Variants in GABPB2 observed in about 807,000 individuals in gnomAD.
The protein encoded by GABPB2 is GA-binding protein subunit beta-2.
A neutral mutation model predicts 39.1 loss-of-function variants in GABPB2; 23 were observed. That is an observed-to-expected ratio of 0.59 (90% confidence interval 0.42 to 0.83). The LOEUF (loss-of-function observed/expected upper bound fraction) is 0.83. Ranked by LOEUF, GABPB2 falls within the 40% of genes least tolerant of loss-of-function variation. GABPB2 has a pLI of 0.00. For missense variants in GABPB2, 467 were observed against 541.1 expected, an observed-to-expected ratio of 0.86 and a Z score of 1.36; for synonymous variants, 184 against 199.3, an observed-to-expected ratio of 0.92 and a Z score of 0.65.
chr1:151,097,793 A>G, intron 4 of GABPB2, 59 bp from the exon 5 acceptor site: 2 of 1,532,066 alleles, frequency 1.3e-6, no homozygotes, highest in Non-Finnish European at 8.9e-7. Context: ...AAAAAAAAGA[A>G]AGACAGAAAA....
chr1:151,080,315 C>A (rs1374309927), intron 1 of GABPB2, among the ~76,000 whole-genome samples: 1 of 150,490 alleles, frequency 6.6e-6, no homozygotes, highest in East Asian at 1.9e-4. Flanking sequence ...AGTTCAAGAC[C>A]AGCCTGACAA....
intron 3 of GABPB2, 79 bp from the exon 4 acceptor site, chr1:151,093,113 C>T: frequency 1.8e-6 from 2 of 1,097,860 alleles, no homozygotes; most frequent in Admixed American, 2.7e-5. Context: ...CTATGGAAAT[C>T]CTCTGTATTT....
intron 4 of GABPB2, among the ~76,000 whole-genome samples, chr1:151,096,161 T>A (rs10888404): frequency 0.59 from 90,023 of 151,934 alleles, 29,668 homozygotes; most frequent in East Asian, 0.89. Flanking sequence ...TGGTGGCTCA[T>A]GCCTGTAATC....
chr1:151,115,410 T>C (rs1271016872), intron 7 of GABPB2, among the ~76,000 whole-genome samples: 3 of 151,778 alleles, frequency 2.0e-5, no homozygotes, highest in Non-Finnish European at 4.4e-5. Context: ...TTCTTTTTTT[T>C]TTTTTTTTCA....
rs1232004442 is a variant in GABPB2 at position 151,120,662 on chromosome 1, G to A, written c.*2406G>A. ...GGTCTTGACATATAAACTTTGCTCT[G>A]ACTGGATTTCATAAAATTACAGTGA... is the stretch of plus-strand genomic sequence containing the variant. On this transcript the variant is annotated 3_prime_UTR_variant, in exon 9 of 9. Transcript: ENST00000368918. 6.6e-6 allele frequency: 1 copy of A among 151,948 alleles called. No homozygotes were observed. 9.4% of individuals were successfully genotyped at this position (151,948 alleles called of 1,614,324 possible).
intron 1 of GABPB2, among the ~76,000 whole-genome samples, chr1:151,081,794 C>T (rs1677726806): frequency 1.3e-5 from 2 of 151,890 alleles, no homozygotes; most frequent in South Asian, 4.1e-4. Flanking sequence ...ACCACCATGC[C>T]CAGCTAATTC....
chr1:151,080,425 C>T (rs1287692192), intron 1 of GABPB2, among the ~76,000 whole-genome samples: 1 of 150,370 alleles, frequency 6.7e-6, no homozygotes, highest in African/African-American at 2.5e-5. Context: ...GCAGGAGAAT[C>T]GCTTCAACCC....
chr1:151,084,388 A>AATTTTTT (rs1167907794), intron 1 of GABPB2, among the ~76,000 whole-genome samples: 1 of 150,790 alleles, frequency 6.6e-6, no homozygotes, highest in Non-Finnish European at 1.5e-5. Flanking sequence ...ATGCCCGGCT[A>AATTTTTT]ATTTTTTTTG....
intron 1 of GABPB2, among the ~76,000 whole-genome samples, chr1:151,076,419 G>A (rs1389295855): frequency 6.6e-6 from 1 of 151,996 alleles, no homozygotes; most frequent in Admixed American, 6.6e-5. Context: ...CAACTGATGA[G>A]ACTAGAATTT....
At position 151,095,636 on chromosome 1, in the gene GABPB2, CTGTT is replaced by C. The variant is rs1679041231; in HGVS notation, c.472-2214_472-2211del. Among the ~76,000 whole-genome samples the C allele has an allele frequency of 2.6e-5, 4 of 152,154 alleles. No individual in the cohort carries two copies. In the South Asian group the frequency reaches 8.3e-4, roughly 31 times the overall value. ...TGCTCCCATAGCACTTACTAGATGT[CTGTT>C]TATCATGTAATATTGTAATATTTTA... On this transcript the variant is annotated intron_variant, in intron 4 of 8. Coordinates refer to ENST00000368918, the MANE Select transcript of GABPB2 (RefSeq NM_144618.3).
At chr1:151,104,798 TTTC>T (rs1679814886) in intron 6 of GABPB2, among the ~76,000 whole-genome samples, 1 of 53,658 alleles carries the variant, frequency 1.9e-5, no homozygotes, top group Non-Finnish European at 4.3e-5. Context: ...TCTTTCTTTC[TTTC>T]TTTTCTTTCT....
In GABPB2 at chr1:151,118,242, A is replaced by G. The variant is rs376146004; in HGVS notation, c.1333A>G (p.Thr445Ala). ...GCCTCACACTAGAGTTTCCATGGCA[A>G]CTGTTTCATCTTAATATGCAAGGGC... ...TEPHTRVSMA[T>A]VSS The change falls in exon 9 of 9, where the codon ACT (threonine) becomes GCT (alanine). Residue 445 changes from threonine (T) to alanine (A), a missense_variant. By Grantham distance (58) the Thr-to-Ala change is moderately conservative. Coordinates refer to ENST00000368918, the MANE Select transcript of GABPB2 (RefSeq NM_144618.3). The G allele has an allele frequency of 6.2e-7, 1 of 1,612,750 alleles. No homozygotes were observed. The highest frequency in any genetic ancestry group is 8.5e-7 in the Non-Finnish European group (1 of 1,179,028).
At chr1:151,111,554 C>T (rs1363043205) in intron 7 of GABPB2, among the ~76,000 whole-genome samples, 1 of 152,042 alleles carries the variant, frequency 6.6e-6, no homozygotes, top group East Asian at 1.9e-4. Context: ...TCCTGAGTAG[C>T]TGGGACTACA....
chr1:151,113,478 A>G (rs1370450919), intron 7 of GABPB2, among the ~76,000 whole-genome samples: 1 of 152,032 alleles, frequency 6.6e-6, no homozygotes, highest in Non-Finnish European at 1.5e-5. Flanking sequence ...GCAAAAAAAA[A>G]AAAAAAAAAA....
chr1:151,113,138 C>A (rs978910148), intron 7 of GABPB2, among the ~76,000 whole-genome samples: 1 of 151,850 alleles, frequency 6.6e-6, no homozygotes, highest in Admixed American at 6.6e-5. Context: ...GTCTCAGACT[C>A]CTAGACTCAA....
chr1:151,099,923 C>CTTA (rs749882284), intron 5 of GABPB2, among the ~76,000 whole-genome samples: 59 of 152,286 alleles, frequency 3.9e-4, no homozygotes, highest in Non-Finnish European at 2.1e-4. Context: ...TCAATAATAG[C>CTTA]TATTAAATGA....
chr1:151,117,293 C>A, intron 7 of GABPB2, 99 bp from the exon 8 acceptor site: 1 of 1,300,842 alleles, frequency 7.7e-7, no homozygotes, highest in Non-Finnish European at 1.1e-6. Flanking sequence ...TGTACCCAAC[C>A]TAGAATATAT....
intron 3 of GABPB2, among the ~76,000 whole-genome samples, chr1:151,091,845 T>C (rs1678737854): frequency 6.6e-6 from 1 of 152,070 alleles, no homozygotes; most frequent in African/African-American, 2.4e-5. Flanking sequence ...AGTGGCATGA[T>C]CATAGCTCAC....
intron 3 of GABPB2, 37 bp downstream of exon 3, chr1:151,090,610 A>G: frequency 6.3e-7 from 1 of 1,597,066 alleles, no homozygotes; most frequent in Non-Finnish European, 8.6e-7. Context: ...TGTTGTTAAA[A>G]AGGCATCCAC....
Sources: gnomAD v4.1 joint callset for allele counts (sites outside exome capture counted in the v4.1 genomes callset) on GRCh38, gnomAD v4.1.1 for gene constraint, MANE v1.5 for transcripts, NCBI Gene and HGNC (gene_info 2026-07-23, HGNC 2026-07-21) for gene names.